Variants in USP53 observed in about 807,000 individuals in gnomAD.
The protein encoded by USP53 is ubiquitin carboxyl-terminal hydrolase 53.
In USP53, 71 loss-of-function variants were observed where a neutral mutation model predicts 94.9. The ratio of observed to expected loss-of-function variants is 0.75; its 90% CI spans 0.62 to 0.91. The LOEUF (loss-of-function observed/expected upper bound fraction) is 0.91. Ranked by LOEUF, USP53 falls within the 40% of genes least tolerant of loss-of-function variation. The probability of loss-of-function intolerance (pLI) is 0.00; values close to 1 mark genes in which losing one functional copy is unlikely to be tolerated. For synonymous variants in USP53, 375 were observed against 422.7 expected, an observed-to-expected ratio of 0.89 and a Z score of 1.39; for missense variants, 1,173 against 1,281.0, an observed-to-expected ratio of 0.92 and a Z score of 1.29.
chr4:119,221,762 T>G (rs979573064), intron 3 of USP53, among the ~76,000 whole-genome samples: 12 of 152,214 alleles, frequency 7.9e-5, no homozygotes, highest in African/African-American at 2.9e-4. Flanking sequence ...GTGCCTCTGA[T>G]TGGCCGAAAT....
chr4:119,222,511 T>C lies in USP53; in HGVS notation c.-665+4838T>C, dbSNP rs145628442. On this transcript the variant is annotated intron_variant, in intron 3 of 18. Transcript: ENST00000692078. ...TACTCTCTATATCCATGAGATTATT[T>C]ATTTATTTTTTAGCTCCCACATATG... Among the ~76,000 whole-genome samples the C allele has an allele frequency of 2.4e-4, 37 of 152,352 alleles. No homozygotes were observed. In the East Asian group the frequency reaches 6.6e-3, roughly 27 times the overall value.
At chr4:119,243,322 AC>A (rs1292588446) in intron 5 of USP53, among the ~76,000 whole-genome samples, 22 of 152,074 alleles carry the variant, frequency 1.4e-4, no homozygotes, top group African/African-American at 4.8e-4. Context: ...ACATGGTGAA[AC>A]CCCGTCTCTA....
chr4:119,288,970 G>C (rs544272681), intron 17 of USP53, among the ~76,000 whole-genome samples: 1 of 150,246 alleles, frequency 6.7e-6, no homozygotes, highest in East Asian at 2.0e-4. Context: ...ATACTGGTTT[G>C]CTGAGTTATG....
intron 5 of USP53, among the ~76,000 whole-genome samples, chr4:119,242,888 CTGATA>C (rs750585265): frequency 2.6e-5 from 4 of 152,012 alleles, no homozygotes; most frequent in Admixed American, 6.6e-5. Context: ...ATGTTTAGAT[CTGATA>C]TAAGACACAA....
At chr4:119,230,276 T>C (rs752095089) in intron 3 of USP53, among the ~76,000 whole-genome samples, 1 of 152,190 alleles carries the variant, frequency 6.6e-6, no homozygotes, top group African/African-American at 2.4e-5. Context: ...ACACATACAT[T>C]GTTTTACCAA....
intron 7 of USP53, among the ~76,000 whole-genome samples, chr4:119,254,863 C>A (rs1749540468): frequency 6.6e-6 from 1 of 152,212 alleles, no homozygotes; most frequent in Non-Finnish European, 1.5e-5. Flanking sequence ...GTGGTTTTAT[C>A]TACCTTTGGT....
chr4:119,258,584 T>TCTTAGC (rs2149380071), intron 9 of USP53, among the ~76,000 whole-genome samples: 1 of 152,336 alleles, frequency 6.6e-6, no homozygotes, highest in African/African-American at 2.4e-5. Context: ...TTTAATTGAC[T>TCTTAGC]CACAGTTCTA....
In USP53 at chr4:119,269,913, T is replaced by G. The variant is rs1220567448; in HGVS notation, c.1435+76T>G. On this transcript the variant is annotated intron_variant, in intron 15 of 18. Transcript: ENST00000692078. ...TATTTTAAAACTGAATTTTATAACT[T>G]TAATTTCTGTATATGTTAAATAATA... 2.6e-5 allele frequency: 24 copies of G among 925,114 alleles called. No individual in the cohort carries two copies. In the Admixed American group the frequency reaches 7.6e-4, roughly 29 times the overall value. The allele number at this position is 925,114 out of a possible 1,614,324, so 57.3% of individuals were successfully genotyped here.
chr4:119,278,460 C>A (rs879970356), intron 17 of USP53, among the ~76,000 whole-genome samples: 6 of 144,448 alleles, frequency 4.2e-5, no homozygotes, highest in Non-Finnish European at 9.1e-5. Context: ...GGGTTTCTGC[C>A]GAGAGATCCA....
At chr4:119,212,652 A>G (rs1208144896), upstream of USP53, 1 of 361,556 alleles carries the variant, frequency 2.8e-6, no homozygotes, top group East Asian at 7.4e-5. Context: ...ATTGGGGCGT[A>G]TGCGCATGCT....
chr4:119,282,731 A>G (rs1753644339), intron 17 of USP53, among the ~76,000 whole-genome samples: 1 of 151,988 alleles, frequency 6.6e-6, no homozygotes, highest in Admixed American at 6.6e-5. Context: ...TTTTTCCCAA[A>G]TTAAAAACTT....
intron 7 of USP53, among the ~76,000 whole-genome samples, chr4:119,251,147 A>C (rs978324458): frequency 1.3e-5 from 2 of 150,970 alleles, no homozygotes; most frequent in African/African-American, 2.4e-5. Context: ...GAGTGAGAAC[A>C]TGTGGTGTTT....
chr4:119,278,300 T>G (rs1279057054), intron 17 of USP53, among the ~76,000 whole-genome samples: 1 of 152,098 alleles, frequency 6.6e-6, no homozygotes, highest in Non-Finnish European at 1.5e-5. Context: ...GGCCTAGTGG[T>G]GACAAAATCG....
chr4:119,229,865 C>T (rs898290222), intron 3 of USP53, among the ~76,000 whole-genome samples: 1 of 152,096 alleles, frequency 6.6e-6, no homozygotes, highest in African/African-American at 2.4e-5. Context: ...AGATAAAGTC[C>T]AAATTTCTTA....
intron 17 of USP53, among the ~76,000 whole-genome samples, chr4:119,286,631 T>G (rs968091314): frequency 4.6e-5 from 7 of 152,044 alleles, no homozygotes; most frequent in African/African-American, 1.7e-4. Flanking sequence ...AAAGAATTAC[T>G]TAAGAACTAA....
rs1561369098 is a variant in USP53, at chr4:119,292,992, C to A, written c.3003C>A (p.Ser1001Arg). The change falls in exon 19 of 19, where the codon AGC becomes AGA. Residue 1001 changes from serine (S) to arginine (R), a missense_variant. By Grantham distance (110) the Ser-to-Arg change is moderately radical. Coordinates refer to ENST00000692078, the MANE Select transcript of USP53 (RefSeq NM_001371395.1). ...GCAACACACCAAACTGTCCATCCAGCTCCTCAACTAACGATTTTCAGGCAA... is the reference window on the plus strand; with the variant it reads ...GCAACACACCAAACTGTCCATCCAGATCCTCAACTAACGATTTTCAGGCAA... ...CFGNTPNCPS[S>R]SSTNDFQANS... 2 of 1,613,970 alleles carry A rather than the reference C, an allele frequency of 1.2e-6. No homozygotes were observed. Among genetic ancestry groups the A allele is most frequent in the Admixed American group, 3.3e-5 (2 of 59,976 alleles).
chr4:119,241,051 AT>A (rs1172876848), intron 5 of USP53, among the ~76,000 whole-genome samples: 1 of 152,032 alleles, frequency 6.6e-6, no homozygotes, highest in African/African-American at 2.4e-5. Flanking sequence ...CATTTCAGAT[AT>A]TTTTCTGTTT....
chr4:119,244,204 A>T (rs1199475732), intron 5 of USP53, among the ~76,000 whole-genome samples: 1 of 152,246 alleles, frequency 6.6e-6, no homozygotes, highest in Non-Finnish European at 1.5e-5. Context: ...TACTCAAGAA[A>T]GTTATTAAAC....
chr4:119,263,953 T>G (rs1404919483), intron 12 of USP53, among the ~76,000 whole-genome samples: 3 of 152,106 alleles, frequency 2.0e-5, no homozygotes, highest in Non-Finnish European at 4.4e-5. Context: ...TAGTCCCAGC[T>G]ACTCAGGAGG....
Sources: allele counts gnomAD v4.1 joint callset (sites outside exome capture counted in the v4.1 genomes callset), GRCh38; gene constraint gnomAD v4.1.1; transcripts MANE v1.5; gene names NCBI Gene and HGNC (gene_info 2026-07-23, HGNC 2026-07-21).